The following LYPLA1 variants were observed in gnomAD, a reference collection of about 807,000 sequenced individuals.
The protein encoded by LYPLA1 is acyl-protein thioesterase 1.
A neutral mutation model predicts 34.0 loss-of-function variants in LYPLA1; 17 were observed. That is an observed-to-expected ratio of 0.50 (90% CI 0.34 to 0.75). The LOEUF is 0.75. LYPLA1 is among the 30% of genes least tolerant of loss of function. The pLI is 0.01. For synonymous variants in LYPLA1, 98 were observed against 100.8 expected, an observed-to-expected ratio of 0.97 and a Z score of 0.17; for missense variants, 203 against 288.8, an observed-to-expected ratio of 0.70 and a Z score of 2.15.
Position 54,052,682 on chromosome 8 carries a change from C to A in LYPLA1, c.435G>T (p.Trp145Cys). The change falls in exon 7 of 9, where the codon TGG becomes TGT. Residue 145 changes from tryptophan (W) to cysteine (C), a missense_variant. Trp to Cys is a radical substitution (Grantham distance 215). Coordinates refer to ENST00000316963, the MANE Select transcript of LYPLA1 (RefSeq NM_006330.4). ...GTGGAAAGGAAGCCCGAAGTGGAAG[C>A]CAGCAACTGAGTGCAGTGACACCTG... ...KLAGVTALSC[W>C]LPLRASFPQG... The A allele has an allele frequency of 3.7e-6, 6 of 1,613,690 alleles. No individual in the cohort carries two copies. Among genetic ancestry groups the A allele is most frequent in the Non-Finnish European group, 5.1e-6 (6 of 1,179,806 alleles).
At chr8:54,098,586 C>A (rs934696619) in intron 2 of LYPLA1, among the ~76,000 whole-genome samples, 22 of 152,212 alleles carry the variant, frequency 1.4e-4, no homozygotes, top group African/African-American at 5.1e-4. Context: ...GAGGCCGAGG[C>A]ACAAGAATCA....
chr8:54,094,379 G>A (rs891557894), intron 2 of LYPLA1, among the ~76,000 whole-genome samples: 3 of 152,152 alleles, frequency 2.0e-5, no homozygotes, highest in Non-Finnish European at 4.4e-5. Flanking sequence ...ATAGCTGTGA[G>A]CTGGTGCAAC....
Position 54,080,398 on chromosome 8 carries a change from C to CAAAAT in LYPLA1, c.102-14590_102-14586dup, listed in dbSNP as rs1247822899. Among the ~76,000 whole-genome samples, 6 of 152,128 alleles carry CAAAAT rather than the reference C, an allele frequency of 3.9e-5. No individual in the cohort carries two copies. In the East Asian group the frequency reaches 1.2e-3, roughly 29 times the overall value. ...AATCTTCCACCTATTTATTAGAGTC[C>CAAAAT]AAAATAAAATAAAGCTTCAATTATG... On this transcript the variant is annotated intron_variant, in intron 2 of 8. Transcript: ENST00000316963.
At chr8:54,100,623 C>A (rs1200619312) in intron 2 of LYPLA1, 1 of 400,426 alleles carries the variant, frequency 2.5e-6, no homozygotes, top group Non-Finnish European at 4.5e-6. Context: ...ACCGTCCCTA[C>A]TAACATTCCA....
At chr8:54,078,028 G>A (rs188217662) in intron 2 of LYPLA1, among the ~76,000 whole-genome samples, 2 of 152,222 alleles carry the variant, frequency 1.3e-5, no homozygotes, top group African/African-American at 4.8e-5. Context: ...TCAGCTCACT[G>A]CAACCTTTAC....
chr8:54,081,676 A>C (rs1808330526), intron 2 of LYPLA1, among the ~76,000 whole-genome samples: 1 of 151,194 alleles, frequency 6.6e-6, no homozygotes, highest in Non-Finnish European at 1.5e-5. Flanking sequence ...TGGCCTCCCA[A>C]AGTGCTGGGA....
rs1257784516 is a variant in LYPLA1, at chr8:54,059,640, A to C, written c.286+2614T>G. On this transcript the variant is annotated intron_variant, in intron 5 of 8. Transcript: ENST00000316963. ...TTTAAAGACCTTAAAGAGTTCTTTT[A>C]AAACAAAAGGGCTGCGCTCAGTGGC... 1.2e-4 allele frequency among the ~76,000 whole-genome samples: 19 copies of C among 152,320 alleles called. No individual in the cohort carries two copies. The East Asian group carries it at 2.5e-3, about 20-fold the overall frequency.
chr8:54,080,998 T>G (rs532055473), intron 2 of LYPLA1, among the ~76,000 whole-genome samples: 1 of 152,374 alleles, frequency 6.6e-6, no homozygotes, highest in South Asian at 2.1e-4. Context: ...GTACTTACAA[T>G]CTTTTGTATG....
chr8:54,079,862 C>T (rs1808184594), intron 2 of LYPLA1, among the ~76,000 whole-genome samples: 1 of 152,022 alleles, frequency 6.6e-6, no homozygotes, highest in African/African-American at 2.4e-5. Context: ...CAAAAGATAA[C>T]AGTATAACCA....
rs558853324 is a variant in LYPLA1 at position 54,085,882 on chromosome 8, G to A, written c.101+15026C>T. Among the ~76,000 whole-genome samples the A allele has an allele frequency of 3.9e-4, 59 of 151,920 alleles. No homozygotes were observed. The East Asian group carries it at 7.8e-3, about 20-fold the overall frequency. Reference sequence around the variant, plus strand: ...GGGGGCGCCTCTGCCCAGCCGCCCCGTCTGGGAAGTGAGGAGCCCCTCTGC... The same window carrying A: ...GGGGGCGCCTCTGCCCAGCCGCCCCATCTGGGAAGTGAGGAGCCCCTCTGC... On this transcript the variant is annotated intron_variant, in intron 2 of 8. Transcript: ENST00000316963.
At chr8:54,101,422 T>C in intron 1 of LYPLA1, 1 of 1,073,062 alleles carries the variant, frequency 9.3e-7, no homozygotes, top group Non-Finnish European at 1.1e-6. Flanking sequence ...GGCGATTTCC[T>C]GGCGGACTTA....
chr8:54,052,955 G>T (rs980425048), intron 6 of LYPLA1, 199 bp from the exon 7 acceptor site: 2 of 497,554 alleles, frequency 4.0e-6, no homozygotes, highest in Non-Finnish European at 7.2e-6. Context: ...AGAACATACA[G>T]ACTTCCTTTC....
At chr8:54,061,889 C>G (rs919655150) in intron 5 of LYPLA1, among the ~76,000 whole-genome samples, 3 of 152,118 alleles carry the variant, frequency 2.0e-5, no homozygotes, top group African/African-American at 7.2e-5. Context: ...AAGTTTTGCT[C>G]TGGTTGCCCA....
intron 2 of LYPLA1, among the ~76,000 whole-genome samples, chr8:54,069,676 C>T (rs547511751): frequency 6.6e-6 from 1 of 151,570 alleles, no homozygotes; most frequent in South Asian, 2.1e-4. Flanking sequence ...TGCCACTCCA[C>T]TCCAGCCTGG....
intron 4 of LYPLA1, among the ~76,000 whole-genome samples, chr8:54,062,599 C>G (rs1806736974): frequency 1.3e-5 from 2 of 152,050 alleles, no homozygotes; most frequent in African/African-American, 2.4e-5. Flanking sequence ...GCAGCCTCCC[C>G]CTCCCAGGTT....
At chr8:54,101,729 T>C in intron 1 of LYPLA1, 26 bp downstream of exon 1, 2 of 1,289,590 alleles carry the variant, frequency 1.6e-6, no homozygotes, top group Non-Finnish European at 2.0e-6. Flanking sequence ...AGTGGACCCC[T>C]CCGAGCCCAC....
intron 2 of LYPLA1, among the ~76,000 whole-genome samples, chr8:54,082,490 T>C (rs979872024): frequency 4.6e-5 from 7 of 151,510 alleles, no homozygotes; most frequent in Non-Finnish European, 1.5e-5. Flanking sequence ...TAGAATGTAC[T>C]TTTTTTTTGG....
At chr8:54,077,509 AAGT>A (rs1807995011) in intron 2 of LYPLA1, among the ~76,000 whole-genome samples, 1 of 152,156 alleles carries the variant, frequency 6.6e-6, no homozygotes. Context: ...AAAAATAAAA[AAGT>A]AGTCTGGGCA....
intron 2 of LYPLA1, among the ~76,000 whole-genome samples, chr8:54,099,397 C>G (rs1175643600): frequency 2.0e-5 from 3 of 152,110 alleles, no homozygotes; most frequent in Non-Finnish European, 4.4e-5. Context: ...ATAGGAATCA[C>G]TTTTAAGTGG....
Sources: gnomAD v4.1 joint callset for allele counts (sites outside exome capture counted in the v4.1 genomes callset) on GRCh38, gnomAD v4.1.1 for gene constraint, MANE v1.5 for transcripts, NCBI Gene and HGNC (gene_info 2026-07-23, HGNC 2026-07-21) for gene names.